Variants in GAD2 observed in about 807,000 individuals in gnomAD.
The protein encoded by GAD2 is glutamate decarboxylase 2.
A neutral mutation model predicts 80.1 loss-of-function variants in GAD2; 22 were observed. The ratio of observed to expected loss-of-function variants is 0.27; its 90% confidence interval spans 0.20 to 0.39. The LOEUF is 0.39. GAD2 is among the 10% of genes least tolerant of loss of function. GAD2 has a pLI of 1.00. For missense variants in GAD2, 624 were observed against 738.4 expected (o/e 0.85, Z 1.80); for synonymous variants, 274 against 256.9 (o/e 1.07, Z -0.64).
chr10:26,264,173 T>C (rs1023690300), intron 8 of GAD2, among the ~76,000 whole-genome samples: 4 of 152,336 alleles, frequency 2.6e-5, no homozygotes, highest in Middle Eastern at 6.8e-3. Context: ...TACTATCTTA[T>C]GTAACCCTCA....
At chr10:26,294,659 G>A (rs1057497229) in intron 15 of GAD2, among the ~76,000 whole-genome samples, 4 of 152,142 alleles carry the variant, frequency 2.6e-5, no homozygotes, top group Non-Finnish European at 4.4e-5. Context: ...AGGATCCGTG[G>A]TGCATGTGTC....
chr10:26,289,771 T>A (rs965666410), intron 13 of GAD2, among the ~76,000 whole-genome samples: 1 of 150,252 alleles, frequency 6.7e-6, no homozygotes, highest in Non-Finnish European at 1.5e-5. Flanking sequence ...TAAATAAACT[T>A]AAAATTACAT....
chr10:26,245,383 T>TA (rs1257712889), intron 7 of GAD2, among the ~76,000 whole-genome samples: 2,946 of 146,216 alleles, frequency 0.02, 81 homozygotes, highest in African/African-American at 0.066. Flanking sequence ...AAAATAAAAA[T>TA]AAAAAAAAAA....
intron 12 of GAD2, 82 bp downstream of exon 12, chr10:26,281,169 A>G (rs1473887354): frequency 2.0e-6 from 2 of 1,020,866 alleles, no homozygotes; most frequent in African/African-American, 1.6e-5. Flanking sequence ...TGGAAATGTC[A>G]AGATCACCGG....
At chr10:26,281,336 C>A (rs1230071293) in intron 12 of GAD2, among the ~76,000 whole-genome samples, 3 of 152,098 alleles carry the variant, frequency 2.0e-5, no homozygotes, top group Admixed American at 2.0e-4. Flanking sequence ...CAGTATGATA[C>A]CCCTTTCCTC....
chr10:26,251,056 C>CTTTTTTTTTTTTTT (rs60993936), intron 8 of GAD2, among the ~76,000 whole-genome samples: 4 of 119,850 alleles, frequency 3.3e-5, no homozygotes, highest in Non-Finnish European at 5.2e-5. Context: ...TTTTTTTTTG[C>CTTTTTTTTTTTTTT]TTTTTTTTTT....
At chr10:26,234,372 G>A (rs1844644574) in intron 7 of GAD2, among the ~76,000 whole-genome samples, 1 of 150,972 alleles carries the variant, frequency 6.6e-6, no homozygotes. Flanking sequence ...TTGTTTTACA[G>A]ATGAAGACAC....
At chr10:26,300,667 A>G in intron 15 of GAD2, 121 bp from the exon 16 acceptor site, 2 of 844,046 alleles carry the variant, frequency 2.4e-6, no homozygotes, top group South Asian at 1.8e-5. Flanking sequence ...CTCTTTCAAG[A>G]GAAAACAATA....
chr10:26,300,746 TC>T (rs1834320392), intron 15 of GAD2, 41 bp from the exon 16 acceptor site: 4 of 1,586,868 alleles, frequency 2.5e-6, no homozygotes, highest in Non-Finnish European at 3.4e-6. Flanking sequence ...CAGGGGAGAG[TC>T]CCAGGAGAAA....
chr10:26,293,939 G>T (rs538581559), intron 15 of GAD2, among the ~76,000 whole-genome samples: 1 of 152,176 alleles, frequency 6.6e-6, no homozygotes, highest in Non-Finnish European at 1.5e-5. Context: ...CCAAAATCTC[G>T]CAGAAAGTCT....
At chr10:26,260,471 A>G (rs993394440) in intron 8 of GAD2, among the ~76,000 whole-genome samples, 1 of 152,136 alleles carries the variant, frequency 6.6e-6, no homozygotes, top group Non-Finnish European at 1.5e-5. Context: ...TCTACTAAAA[A>G]TAAAAAATTA....
intron 13 of GAD2, among the ~76,000 whole-genome samples, chr10:26,288,883 T>C (rs899697428): frequency 6.6e-6 from 1 of 152,088 alleles, no homozygotes; most frequent in Admixed American, 6.6e-5. Context: ...GCATCAGGTG[T>C]GAATCGAACA....
chr10:26,257,922 A>G (rs1187922361), intron 8 of GAD2, among the ~76,000 whole-genome samples: 1 of 152,198 alleles, frequency 6.6e-6, no homozygotes, highest in Non-Finnish European at 1.5e-5. Context: ...TTGTAGTGGG[A>G]TAGACTTCAC....
intron 6 of GAD2, among the ~76,000 whole-genome samples, chr10:26,229,083 T>C (rs1844565906): frequency 6.6e-6 from 1 of 151,816 alleles, no homozygotes; most frequent in African/African-American, 2.4e-5. Flanking sequence ...GGTCCCAGCT[T>C]CTTGGGAGGC....
Position 26,246,015 on chromosome 10 carries a change from G to A in GAD2, c.920+15G>A. ...TGTGATGAGAGGTGAGCACGCATCG[G>A]CAACTCTTGTTGGTTAGCAATTTGC... On this transcript the variant is annotated intron_variant, in intron 8 of 15. Transcript: ENST00000376261. The A allele has an allele frequency of 6.2e-7, 1 of 1,610,340 alleles. No individual in the cohort carries two copies. The highest frequency in any genetic ancestry group is 8.5e-7 in the Non-Finnish European group (1 of 1,177,156).
chr10:26,223,686 G>GGT (rs112100102), intron 4 of GAD2, among the ~76,000 whole-genome samples: 45 of 149,044 alleles, frequency 3.0e-4, no homozygotes, highest in South Asian at 1.3e-3. Flanking sequence ...ACGCTTTTAT[G>GGT]GTGTGTGTGT....
chr10:26,251,385 A>C (rs1014374137), intron 8 of GAD2, among the ~76,000 whole-genome samples: 5 of 152,206 alleles, frequency 3.3e-5, no homozygotes, highest in East Asian at 3.8e-4. Flanking sequence ...CAGCTCCAGC[A>C]CTAGCCTGGG....
chr10:26,219,460 T>C, intron 4 of GAD2, 184 bp downstream of exon 4: 1 of 526,524 alleles, frequency 1.9e-6, no homozygotes, highest in South Asian at 2.8e-5. Flanking sequence ...ACTGCTATTG[T>C]TCATGCTTCT....
chr10:26,278,166 C>T (rs747672623), intron 11 of GAD2, among the ~76,000 whole-genome samples: 2 of 152,250 alleles, frequency 1.3e-5, no homozygotes, highest in Middle Eastern at 3.4e-3. Context: ...TAGGCCCCCA[C>T]GTAGAGATAA....
Sources: allele counts gnomAD v4.1 joint callset (sites outside exome capture counted in the v4.1 genomes callset), GRCh38; gene constraint gnomAD v4.1.1; transcripts MANE v1.5; gene names NCBI Gene and HGNC (gene_info 2026-07-23, HGNC 2026-07-21).